Variants in CCDC144A observed in about 807,000 individuals in gnomAD.
CCDC144A encodes coiled-coil domain-containing protein 144A.
Under a neutral mutation model 143.8 loss-of-function variants are expected in CCDC144A, and 41 were observed. That is an observed-to-expected ratio of 0.29 (90% CI 0.22 to 0.37). CCDC144A has a LOEUF of 0.37. Ranked by LOEUF, CCDC144A falls within the 10% of genes least tolerant of loss-of-function variation. The pLI is 1.00. For synonymous variants in CCDC144A, 242 were observed against 517.9 expected, an observed-to-expected ratio of 0.47 and a Z score of 7.23; for missense variants, 637 against 1,488.8, an observed-to-expected ratio of 0.43 and a Z score of 9.41.
At chr17:16,734,198 G>T (rs1485589931) in intron 11 of CCDC144A, among the ~76,000 whole-genome samples, 1 of 149,534 alleles carries the variant, frequency 6.7e-6, no homozygotes, top group Non-Finnish European at 1.5e-5. Context: ...ATGAATAAAT[G>T]TAATTCTTAT....
At chr17:16,704,667 T>A (rs984048484) in intron 2 of CCDC144A, among the ~76,000 whole-genome samples, 1 of 151,976 alleles carries the variant, frequency 6.6e-6, no homozygotes, top group Non-Finnish European at 1.5e-5. Flanking sequence ...ATCCAAGTAT[T>A]TGAAAGGAAA....
chr17:16,751,924 G>A (rs921657126), intron 12 of CCDC144A, among the ~76,000 whole-genome samples: 1 of 152,242 alleles, frequency 6.6e-6, no homozygotes, highest in Non-Finnish European at 1.5e-5. Context: ...GCCCAACTAG[G>A]TAGTTTTGTC....
In CCDC144A at chr17:16,776,205, A is replaced by G. The variant is rs1915997024; in HGVS notation, c.*2572A>G. The G allele has an allele frequency of 6.6e-6, 1 of 152,262 alleles. No homozygotes were observed. The allele number at this position is 152,262 out of a possible 1,614,324, so 9.4% of individuals were successfully genotyped here. A position where few individuals can be genotyped will look rare whatever the true frequency, so the allele number is the denominator to read the frequency against. ...TATTTGGGCTCTTTTTTGGTTCCAT[A>G]TGAATTTTAAAATAGCTTTTTCTAG... On this transcript the variant is annotated 3_prime_UTR_variant, in exon 17 of 17. Coordinates refer to ENST00000399273, the MANE Select transcript of CCDC144A (RefSeq NM_001382000.1).
Position 16,773,626 on chromosome 17 carries a change from T to C in CCDC144A, c.4271T>C (p.Ile1424Thr), listed in dbSNP as rs1597601526. The stretch of plus-strand genomic sequence containing the variant: ...GCACAGATTTTAAGAAGAAAATACA[T>C]ACTCTGAAAGATAAGGCAATTTTAT... ...EYAQILRRKY[I>T]L Residue 1424 changes from isoleucine to threonine, a missense_variant, in exon 17 of 17, where the codon ATA becomes ACA. Physicochemically the swap from Ile to Thr is moderately conservative, Grantham distance 89. Coordinates refer to ENST00000399273, the MANE Select transcript of CCDC144A (RefSeq NM_001382000.1). 8.5e-6 allele frequency: 13 copies of C among 1,525,572 alleles called. No homozygotes were observed. Among genetic ancestry groups the C allele is most frequent in the African/African-American group, 5.6e-5 (4 of 71,290 alleles). The allele number at this position is 1,525,572 out of a possible 1,614,324, so 94.5% of individuals were successfully genotyped here. A position where few individuals can be genotyped will look rare whatever the true frequency, so the allele number is the denominator to read the frequency against.
chr17:16,679,079 T>A, the CCDC144A span, among the ~76,000 whole-genome samples: 22 of 130,798 alleles, frequency 1.7e-4, no homozygotes, highest in African/African-American at 7.3e-4. Flanking sequence ...GTTGTTTTTG[T>A]AGAGATGGCG....
At chr17:16,749,386 T>C (rs1914681930) in intron 12 of CCDC144A, among the ~76,000 whole-genome samples, 1 of 152,226 alleles carries the variant, frequency 6.6e-6, no homozygotes, top group African/African-American at 2.4e-5. Flanking sequence ...TTCCATGTAA[T>C]TGTGTGGTTT....
At chr17:16,759,667 A>C (rs1831716825) in intron 12 of CCDC144A, among the ~76,000 whole-genome samples, 1 of 151,852 alleles carries the variant, frequency 6.6e-6, no homozygotes, top group Middle Eastern at 3.2e-3. Flanking sequence ...AGTCTCTTTA[A>C]AACTCTTCTT....
intron 12 of CCDC144A, among the ~76,000 whole-genome samples, chr17:16,753,461 A>T (rs1914917631): frequency 3.1e-5 from 2 of 64,052 alleles, no homozygotes; most frequent in African/African-American, 1.7e-4. Flanking sequence ...TTTTTTGTAA[A>T]GCTCTTTACA....
chr17:16,762,064 A>G (rs1162708279), intron 13 of CCDC144A, among the ~76,000 whole-genome samples: 1 of 152,246 alleles, frequency 6.6e-6, no homozygotes, highest in Non-Finnish European at 1.5e-5. Flanking sequence ...TTAAAATTTT[A>G]ACTTGGTTCT....
At chr17:16,685,244 C>T (rs1252499627), upstream of CCDC144A, among the ~76,000 whole-genome samples, 1 of 152,180 alleles carries the variant, frequency 6.6e-6, no homozygotes, top group Admixed American at 6.5e-5. Context: ...CCAGGCTGGT[C>T]TTGAACTCTT....
In CCDC144A at chr17:16,709,422, C is replaced by A; in HGVS notation, c.1365C>A (p.Asn455Lys). 6.2e-7 allele frequency: 1 copy of A among 1,611,436 alleles called. No homozygotes were observed. Among genetic ancestry groups the A allele is most frequent in the Non-Finnish European group, 8.5e-7 (1 of 1,179,578 alleles). Residue 455 changes from asparagine to lysine, a missense_variant, in exon 5 of 17, where the codon AAC becomes AAA. By Grantham distance (94) the Asn-to-Lys change is moderately conservative (BLOSUM62 0). Coordinates refer to ENST00000399273, the MANE Select transcript of CCDC144A (RefSeq NM_001382000.1). The part of the protein sequence containing the change: ...EFDLQMTKNM[N>K]QNSDSGSTNN... ...ATTTGCAAATGACAAAAAATATGAA[C>A]CAAAATAGTGACAGTGGCAGTACAA...
intron 2 of CCDC144A, among the ~76,000 whole-genome samples, chr17:16,699,442 C>T (rs1911595804): frequency 7.2e-6 from 1 of 138,796 alleles, no homozygotes. Context: ...GTGGCGCTAT[C>T]TCGGCTCACT....
chr17:16,769,966 T>G (rs1177327807), intron 15 of CCDC144A, among the ~76,000 whole-genome samples: 6 of 151,110 alleles, frequency 4.0e-5, no homozygotes, highest in Non-Finnish European at 7.4e-5. Context: ...TAGCTGGGAC[T>G]ACAGGTGCAC....
the CCDC144A span, among the ~76,000 whole-genome samples, chr17:16,674,612 G>C: frequency 6.6e-6 from 1 of 151,694 alleles, no homozygotes; most frequent in African/African-American, 2.4e-5. Flanking sequence ...GGGAGGGAAG[G>C]AGGGAAAGAA....
chr17:16,681,572 C>T, the CCDC144A span, among the ~76,000 whole-genome samples: 1 of 151,874 alleles, frequency 6.6e-6, no homozygotes, highest in Non-Finnish European at 1.5e-5. Flanking sequence ...AAAACAGGAG[C>T]GTTGGCCGGG....
chr17:16,757,663 C>T (rs1915158287), intron 12 of CCDC144A, among the ~76,000 whole-genome samples: 1 of 152,246 alleles, frequency 6.6e-6, no homozygotes, highest in African/African-American at 2.4e-5. Context: ...GCATGGTACA[C>T]TTGAGTGGGC....
chr17:16,726,106 C>T (rs1165865487), intron 8 of CCDC144A, among the ~76,000 whole-genome samples: 2 of 152,084 alleles, frequency 1.3e-5, no homozygotes, highest in Non-Finnish European at 2.9e-5. Context: ...CGGCCGGGCG[C>T]GGTGGCTCAA....
intron 15 of CCDC144A, among the ~76,000 whole-genome samples, chr17:16,771,473 C>T (rs1915822128): frequency 6.6e-6 from 1 of 152,226 alleles, no homozygotes; most frequent in African/African-American, 2.4e-5. Context: ...CACAACAATA[C>T]TGCTTTCTTC....
chr17:16,760,112 C>A (rs1315154151), intron 12 of CCDC144A, among the ~76,000 whole-genome samples: 1 of 152,190 alleles, frequency 6.6e-6, no homozygotes, highest in Non-Finnish European at 1.5e-5. Context: ...ATTTTAAGGA[C>A]AAGCGTCCCT....
Sources: allele counts gnomAD v4.1 joint callset (sites outside exome capture counted in the v4.1 genomes callset), GRCh38; gene constraint gnomAD v4.1.1; transcripts MANE v1.5; gene names NCBI Gene and HGNC (gene_info 2026-07-23, HGNC 2026-07-21).